Variants in CCDC178 observed in about 807,000 individuals in gnomAD.
CCDC178 encodes coiled-coil domain-containing protein 178.
A neutral mutation model predicts 117.4 loss-of-function variants in CCDC178; 126 were observed. The ratio of observed to expected loss-of-function variants is 1.07; its 90% confidence interval spans 0.93 to 1.24. The LOEUF is 1.24. Among genes scored for constraint, CCDC178 ranks in the 50% most tolerant of loss-of-function variants. CCDC178 has a pLI of 0.00. For missense variants in CCDC178, 1,030 were observed against 986.9 expected, an observed-to-expected ratio of 1.04 and a Z score of -0.59; for synonymous variants, 283 against 313.4, an observed-to-expected ratio of 0.90 and a Z score of 1.02.
intron 21 of CCDC178, among the ~76,000 whole-genome samples, chr18:32,990,308 C>T (rs959694073): frequency 1.3e-5 from 2 of 152,000 alleles, no homozygotes; most frequent in African/African-American, 4.8e-5. Context: ...AGTCAAAACA[C>T]TGTATAAGGA....
chr18:33,267,232 A>T lies in CCDC178; in HGVS notation c.1242T>A (p.Tyr414Ter), dbSNP rs758316862. 1 of 1,602,588 alleles carries T rather than the reference A, an allele frequency of 6.2e-7. No individual in the cohort carries two copies. The highest frequency in any genetic ancestry group is 8.5e-7 in the Non-Finnish European group (1 of 1,176,542). ...TWKQKSHENQ[Y>*]LEAVNDFYAA... ...CATAAAAATCATTAACTGCTTCCAG[A>T]TACTGATTTTCATGACTTTTTTGCT... Residue 414 changes from tyrosine to a stop codon, truncating the protein, a stop_gained, in exon 13 of 23, where the codon TAT becomes TAA. Coordinates refer to ENST00000383096, the MANE Select transcript of CCDC178 (RefSeq NM_001105528.4). LOFTEE classifies it high-confidence loss of function.
chr18:33,267,534 C>G (rs1024268985), intron 12 of CCDC178, among the ~76,000 whole-genome samples: 1 of 151,096 alleles, frequency 6.6e-6, no homozygotes, highest in African/African-American at 2.4e-5. Context: ...GTTTTCGTAT[C>G]TTAAAAAAAC....
At chr18:33,438,789 C>T (rs2064330683) in intron 2 of CCDC178, among the ~76,000 whole-genome samples, 2 of 152,150 alleles carry the variant, frequency 1.3e-5, no homozygotes, top group African/African-American at 4.8e-5. Context: ...TTTCCCTGCT[C>T]ATTCACCATA....
chr18:33,106,093 G>A (rs2057700403), intron 20 of CCDC178, among the ~76,000 whole-genome samples: 1 of 151,600 alleles, frequency 6.6e-6, no homozygotes, highest in Admixed American at 6.6e-5. Flanking sequence ...ATATGGAGAA[G>A]TGACACAAGT....
chr18:33,097,594 C>T (rs891727058), intron 20 of CCDC178, among the ~76,000 whole-genome samples: 1 of 152,130 alleles, frequency 6.6e-6, no homozygotes, highest in Non-Finnish European at 1.5e-5. Flanking sequence ...TCAAGTCAGA[C>T]TGGCTCCAGA....
chr18:33,296,540 G>C (rs1437486953), intron 11 of CCDC178, among the ~76,000 whole-genome samples: 2 of 152,056 alleles, frequency 1.3e-5, no homozygotes, highest in East Asian at 3.9e-4. Context: ...GGGTACACAG[G>C]ACTCTATGTC....
chr18:33,408,956 C>T (rs2063816886), intron 3 of CCDC178, among the ~76,000 whole-genome samples: 1 of 152,140 alleles, frequency 6.6e-6, no homozygotes, highest in African/African-American at 2.4e-5. Context: ...GTAAATGTGA[C>T]TCATCTGAAA....
chr18:33,080,278 T>C (rs1229970159), intron 21 of CCDC178, among the ~76,000 whole-genome samples: 2 of 151,946 alleles, frequency 1.3e-5, no homozygotes, highest in African/African-American at 4.8e-5. Flanking sequence ...TATTTGAGGG[T>C]GGAGGGTGGG....
At chr18:33,356,017 T>C (rs1231742576) in intron 7 of CCDC178, among the ~76,000 whole-genome samples, 1 of 152,200 alleles carries the variant, frequency 6.6e-6, no homozygotes, top group Non-Finnish European at 1.5e-5. Flanking sequence ...TCCTTCTTCA[T>C]TGAATTTTCC....
At chr18:33,421,290 G>T (rs188103033) in intron 2 of CCDC178, among the ~76,000 whole-genome samples, 2 of 152,298 alleles carry the variant, frequency 1.3e-5, no homozygotes, top group East Asian at 3.9e-4. Context: ...CTGCATTTCA[G>T]CTGATATTGC....
At chr18:33,126,719 C>T (rs1048542068) in intron 20 of CCDC178, among the ~76,000 whole-genome samples, 6 of 151,894 alleles carry the variant, frequency 4.0e-5, no homozygotes, top group South Asian at 2.1e-4. Flanking sequence ...AGTGCAGTGG[C>T]GCCATCTCAG....
intron 11 of CCDC178, among the ~76,000 whole-genome samples, chr18:33,314,164 G>GCACT (rs2062383956): frequency 8.1e-6 from 1 of 123,456 alleles, no homozygotes; most frequent in Non-Finnish European, 1.6e-5. Context: ...TCCCGCCACT[G>GCACT]CACTCCAGCC....
intron 19 of CCDC178, among the ~76,000 whole-genome samples, chr18:33,214,480 T>C (rs2059142698): frequency 1.3e-5 from 2 of 151,994 alleles, no homozygotes; most frequent in South Asian, 2.1e-4. Context: ...GAAGTTAGGA[T>C]TGAAACGGGA....
chr18:33,174,787 A>C (rs953482287), intron 20 of CCDC178, among the ~76,000 whole-genome samples: 2 of 152,138 alleles, frequency 1.3e-5, no homozygotes, highest in Non-Finnish European at 2.9e-5. Context: ...AAACTACAGC[A>C]ATAATAGGAG....
intron 20 of CCDC178, among the ~76,000 whole-genome samples, chr18:33,160,383 C>G (rs1410221733): frequency 6.6e-6 from 1 of 152,060 alleles, no homozygotes; most frequent in South Asian, 2.1e-4. Context: ...GGTAAATAAT[C>G]TGTGTGATTC....
intron 20 of CCDC178, among the ~76,000 whole-genome samples, chr18:33,134,931 G>A (rs905375548): frequency 6.6e-6 from 1 of 151,748 alleles, no homozygotes; most frequent in Non-Finnish European, 1.5e-5. Context: ...TAATTCCTCA[G>A]TTCGTAATTT....
At chr18:32,999,207 C>T (rs564906197) in intron 21 of CCDC178, among the ~76,000 whole-genome samples, 2 of 152,186 alleles carry the variant, frequency 1.3e-5, no homozygotes, top group South Asian at 2.1e-4. Context: ...ACAGTACTTG[C>T]CTTGAGCCTG....
intron 18 of CCDC178, among the ~76,000 whole-genome samples, chr18:33,221,568 T>C (rs1433812895): frequency 6.6e-6 from 1 of 152,050 alleles, no homozygotes; most frequent in Non-Finnish European, 1.5e-5. Context: ...CTGGTCACAG[T>C]GTCCTTTATA....
intron 21 of CCDC178, among the ~76,000 whole-genome samples, chr18:33,046,389 C>T (rs994981280): frequency 2.6e-5 from 4 of 152,104 alleles, no homozygotes; most frequent in African/African-American, 9.7e-5. Context: ...TTTAAAAATC[C>T]AGTCTCATGG....
Sources: allele counts gnomAD v4.1 joint callset (sites outside exome capture counted in the v4.1 genomes callset), GRCh38; gene constraint gnomAD v4.1.1; transcripts MANE v1.5; gene names NCBI Gene and HGNC (gene_info 2026-07-23, HGNC 2026-07-21).